The following GRIN2A variants were observed in gnomAD, a reference collection of about 807,000 sequenced individuals.
The protein encoded by GRIN2A is glutamate receptor ionotropic, NMDA 2A.
GRIN2A carries 22 observed loss-of-function variants against 113.4 expected under a neutral mutation model. That is an observed-to-expected ratio of 0.19 (90% confidence interval 0.14 to 0.28). GRIN2A has a LOEUF of 0.28. Ranked by LOEUF, GRIN2A falls within the 10% of genes least tolerant of loss-of-function variation. The pLI is 1.00. For missense variants in GRIN2A, 1,502 were observed against 1,887.0 expected (o/e 0.80, Z 3.78); for synonymous variants, 827 against 738.4 (o/e 1.12, Z -1.94).
rs187527502 is a variant in GRIN2A at position 10,089,033 on chromosome 16, A to G, written c.414+90965T>C. Among the ~76,000 whole-genome samples, 159 of 152,342 alleles carry G rather than the reference A, an allele frequency of 1.0e-3. 1 individual carries two copies. The highest frequency in any genetic ancestry group is 3.4e-3 in the African/African-American group (141 of 41,578). Reference sequence around the variant, plus strand: ...CTCATGCCTCAGTTTTTTTATCTAAAAAATGGGATGACAATAAGAACAACC... The same window carrying G: ...CTCATGCCTCAGTTTTTTTATCTAAGAAATGGGATGACAATAAGAACAACC... On this transcript the variant is annotated intron_variant, in intron 2 of 12. Coordinates refer to ENST00000330684, the MANE Select transcript of GRIN2A (RefSeq NM_001134407.3).
intron 3 of GRIN2A, among the ~76,000 whole-genome samples, chr16:9,919,773 C>G (rs923254891): frequency 6.6e-6 from 1 of 152,200 alleles, no homozygotes; most frequent in African/African-American, 2.4e-5. Context: ...TGGCTCCTCT[C>G]TCCAAATGCA....
At chr16:10,121,144 T>C (rs926443143) in intron 2 of GRIN2A, among the ~76,000 whole-genome samples, 14 of 151,954 alleles carry the variant, frequency 9.2e-5, no homozygotes, top group East Asian at 1.9e-4. Flanking sequence ...ACCACAAAGA[T>C]TGGCATCTCT....
intron 2 of GRIN2A, among the ~76,000 whole-genome samples, chr16:10,119,917 T>C (rs1016883867): frequency 1.3e-5 from 2 of 152,222 alleles, no homozygotes; most frequent in Non-Finnish European, 2.9e-5. Context: ...CATGAGTTCA[T>C]TCTTTTTATG....
At chr16:9,807,031 C>T (rs1348290938) in intron 10 of GRIN2A, among the ~76,000 whole-genome samples, 1 of 151,406 alleles carries the variant, frequency 6.6e-6, no homozygotes, top group African/African-American at 2.4e-5. Context: ...GGTTCTCATT[C>T]TCTCTTGCCT....
At chr16:9,846,947 C>G (rs2042783325) in intron 5 of GRIN2A, among the ~76,000 whole-genome samples, 1 of 152,014 alleles carries the variant, frequency 6.6e-6, no homozygotes, top group African/African-American at 2.4e-5. Flanking sequence ...TTTCTGTGTC[C>G]CCAGAGGGTT....
chr16:10,172,266 C>G (rs1207368110), intron 2 of GRIN2A, among the ~76,000 whole-genome samples: 1 of 152,214 alleles, frequency 6.6e-6, no homozygotes, highest in Non-Finnish European at 1.5e-5. Flanking sequence ...TTTCTTGGAT[C>G]TTCCAACTCA....
chr16:9,935,514 A>T (rs1293262039), intron 3 of GRIN2A, among the ~76,000 whole-genome samples: 6 of 56,594 alleles, frequency 1.1e-4, no homozygotes, highest in East Asian at 6.2e-4. Flanking sequence ...CTACTTCATC[A>T]CACACACACA....
At chr16:10,020,554 A>G (rs544411659) in intron 2 of GRIN2A, among the ~76,000 whole-genome samples, 1 of 152,362 alleles carries the variant, frequency 6.6e-6, no homozygotes, top group Admixed American at 6.5e-5. Context: ...ATATAGAATT[A>G]GAATTTTCCA....
chr16:10,128,094 C>T (rs34435939), intron 2 of GRIN2A, among the ~76,000 whole-genome samples: 13,784 of 152,190 alleles, frequency 0.091, 664 homozygotes, highest in Middle Eastern at 0.12. Flanking sequence ...TTGGCAACGT[C>T]CCATGCTTAT....
chr16:10,056,153 C>G (rs1188309831), intron 2 of GRIN2A, among the ~76,000 whole-genome samples: 1 of 152,186 alleles, frequency 6.6e-6, no homozygotes, highest in Non-Finnish European at 1.5e-5. Flanking sequence ...CAGTGTCATA[C>G]TAATAACAGA....
intron 2 of GRIN2A, among the ~76,000 whole-genome samples, chr16:9,980,378 C>T (rs1176222751): frequency 1.3e-5 from 2 of 152,050 alleles, no homozygotes; most frequent in African/African-American, 4.8e-5. Context: ...AACACTTTTA[C>T]ACTGTTGGTG....
At chr16:10,018,134 A>T (rs1489864277) in intron 2 of GRIN2A, among the ~76,000 whole-genome samples, 4 of 152,210 alleles carry the variant, frequency 2.6e-5, no homozygotes, top group Admixed American at 2.0e-4. Context: ...AAATGATATG[A>T]CTTTTTTAAA....
chr16:10,162,040 T>C (rs1327791447), intron 2 of GRIN2A, among the ~76,000 whole-genome samples: 1 of 152,184 alleles, frequency 6.6e-6, no homozygotes, highest in African/African-American at 2.4e-5. Flanking sequence ...GTTCCAGGAA[T>C]TAGAATGTGG....
At chr16:10,086,259 A>G (rs903090340) in intron 2 of GRIN2A, among the ~76,000 whole-genome samples, 4 of 152,198 alleles carry the variant, frequency 2.6e-5, no homozygotes, top group African/African-American at 9.6e-5. Flanking sequence ...CAATAAGTAC[A>G]TCAAAGCTAG....
At chr16:10,027,275 C>T (rs1352449889) in intron 2 of GRIN2A, among the ~76,000 whole-genome samples, 4 of 152,186 alleles carry the variant, frequency 2.6e-5, no homozygotes, top group Admixed American at 2.6e-4. Flanking sequence ...GAAACTGAGG[C>T]TCAGAGAGAA....
chr16:10,020,085 A>G (rs920539505), intron 2 of GRIN2A, among the ~76,000 whole-genome samples: 2 of 152,222 alleles, frequency 1.3e-5, no homozygotes, highest in African/African-American at 4.8e-5. Context: ...TTAAACCTCA[A>G]TAAAGCTGGA....
At chr16:10,111,435 C>T in intron 2 of GRIN2A, 1 of 562,270 alleles carries the variant, frequency 1.8e-6, no homozygotes, top group South Asian at 1.8e-5. Flanking sequence ...AGGACTGGCT[C>T]ACCGTGCAGC....
chr16:10,038,690 CA>C (rs201053375), intron 2 of GRIN2A, among the ~76,000 whole-genome samples: 32,470 of 150,796 alleles, frequency 0.22, 4,193 homozygotes, highest in East Asian at 0.52. Flanking sequence ...ATAAAAAACA[CA>C]AAAAAAATTA....
At chr16:9,776,126 C>T (rs1229808388) in intron 11 of GRIN2A, among the ~76,000 whole-genome samples, 1 of 152,188 alleles carries the variant, frequency 6.6e-6, no homozygotes, top group Non-Finnish European at 1.5e-5. Context: ...ACAGTCTACT[C>T]TGGATATACC....
Sources: allele counts gnomAD v4.1 joint callset (sites outside exome capture counted in the v4.1 genomes callset), GRCh38; gene constraint gnomAD v4.1.1; transcripts MANE v1.5; gene names NCBI Gene and HGNC (gene_info 2026-07-23, HGNC 2026-07-21).